PCMTD1: variants seen among roughly 807,000 people sequenced by gnomAD.
PCMTD1 encodes the protein protein-L-isoaspartate (D-aspartate) O-methyltransferase domain containing 1.
A neutral mutation model predicts 37.6 loss-of-function variants in PCMTD1; 12 were observed. The ratio of observed to expected loss-of-function variants is 0.32; its 90% CI spans 0.20 to 0.52. The LOEUF (loss-of-function observed/expected upper bound fraction) is 0.52. Ranked by LOEUF, PCMTD1 falls within the 20% of genes least tolerant of loss-of-function variation. The pLI is 0.97. For synonymous variants in PCMTD1, 117 were observed against 135.8 expected, an observed-to-expected ratio of 0.86 and a Z score of 0.96; for missense variants, 235 against 421.3, an observed-to-expected ratio of 0.56 and a Z score of 3.87.
chr8:51,898,778 C>T (rs1477401221), intron 1 of PCMTD1, among the ~76,000 whole-genome samples, 152 bp downstream of exon 1: 1 of 151,728 alleles, frequency 6.6e-6, no homozygotes, highest in Non-Finnish European at 1.5e-5. Context: ...TGGCCCCCGA[C>T]CTGCCCGCCC....
rs1017552257 is a variant in PCMTD1 at position 51,817,839 on chromosome 8, C to G, written c.*2512G>C. ...TTGCTGATGGATTCTTGGGATTGAT[C>G]TGATGCTAGAAGCTATCTTAGGCCC... On this transcript the variant is annotated 3_prime_UTR_variant, in exon 6 of 6. Coordinates refer to ENST00000522514, the MANE Select transcript of PCMTD1 (RefSeq NM_052937.4). 2 of 456,640 alleles carry G rather than the reference C, an allele frequency of 4.4e-6. No homozygotes were observed. Among genetic ancestry groups the G allele is most frequent in the Non-Finnish European group, 8.8e-6 (2 of 226,984 alleles). 28.3% of individuals were successfully genotyped at this position (456,640 alleles called of 1,614,324 possible). A position where few individuals can be genotyped will look rare whatever the true frequency, so the allele number is the denominator to read the frequency against.
At position 51,856,563 on chromosome 8, in the gene PCMTD1, T is replaced by C. The variant is rs1320971788; in HGVS notation, c.307+4282A>G. On this transcript the variant is annotated intron_variant, in intron 2 of 5. Transcript: ENST00000522514. ...ACAAAGATTTGTACCTAAATGCTCA[T>C]AATGGCATTATGCATTTGGTCAAAA... 3.9e-5 allele frequency among the ~76,000 whole-genome samples: 6 copies of C among 152,342 alleles called. 2 individuals are homozygous for C. The South Asian group carries it at 1.2e-3, about 32-fold the overall frequency.
chr8:51,842,220 G>C (rs2038156725), intron 3 of PCMTD1, among the ~76,000 whole-genome samples: 3 of 152,052 alleles, frequency 2.0e-5, no homozygotes, highest in South Asian at 2.1e-4. Flanking sequence ...TATTTCATTT[G>C]ATGATATAAG....
At chr8:51,842,187 C>G (rs958258070) in intron 3 of PCMTD1, among the ~76,000 whole-genome samples, 1 of 152,152 alleles carries the variant, frequency 6.6e-6, no homozygotes, top group Non-Finnish European at 1.5e-5. Context: ...TACAGTAAAT[C>G]TAGTGCTATG....
Position 51,818,057 on chromosome 8 carries a change from G to T in PCMTD1, c.*2294C>A, listed in dbSNP as rs1023189061. 2.5e-6 allele frequency: 1 copy of T among 400,220 alleles called. No homozygotes were observed. Among genetic ancestry groups the T allele is most frequent in the African/African-American group, 2.1e-5 (1 of 47,706 alleles). 24.8% of individuals were successfully genotyped at this position (400,220 alleles called of 1,614,324 possible). A position where few individuals can be genotyped will look rare whatever the true frequency, so the allele number is the denominator to read the frequency against. Reference sequence around the variant, plus strand: ...TTTGCTACTTTTCCACCTATAAAGCGTAATTTTCCATATCAAGTAAACATA... The same window carrying T: ...TTTGCTACTTTTCCACCTATAAAGCTTAATTTTCCATATCAAGTAAACATA... On this transcript the variant is annotated 3_prime_UTR_variant, in exon 6 of 6. Transcript: ENST00000522514.
At chr8:51,895,408 GA>G (rs2038985854) in intron 1 of PCMTD1, among the ~76,000 whole-genome samples, 1 of 152,184 alleles carries the variant, frequency 6.6e-6, no homozygotes, top group Non-Finnish European at 1.5e-5. Flanking sequence ...GTGCTCAGTA[GA>G]AAACACAGAA....
At chr8:51,873,163 C>T (rs1217658430) in intron 1 of PCMTD1, among the ~76,000 whole-genome samples, 2 of 152,116 alleles carry the variant, frequency 1.3e-5, no homozygotes, top group Non-Finnish European at 2.9e-5. Flanking sequence ...TCATTTCATA[C>T]AATTTCTTAA....
At chr8:51,839,319 A>G (rs985390110) in intron 3 of PCMTD1, 7 of 313,670 alleles carry the variant, frequency 2.2e-5, no homozygotes, top group Non-Finnish European at 2.3e-5. Context: ...GATAAGGAAA[A>G]GTAATTGACA....
intron 1 of PCMTD1, among the ~76,000 whole-genome samples, chr8:51,887,062 G>A (rs905586785): frequency 6.6e-5 from 10 of 151,112 alleles, no homozygotes; most frequent in East Asian, 5.8e-4. Context: ...TGGTTCTCTC[G>A]CTCTGCCTCC....
At chr8:51,838,702 C>T (rs999138296) in intron 3 of PCMTD1, among the ~76,000 whole-genome samples, 8 of 152,012 alleles carry the variant, frequency 5.3e-5, no homozygotes, top group African/African-American at 1.9e-4. Context: ...CTGTATGTTA[C>T]CTAAGTTTCC....
At chr8:51,828,786 T>G (rs1025135450) in intron 5 of PCMTD1, among the ~76,000 whole-genome samples, 5 of 152,200 alleles carry the variant, frequency 3.3e-5, no homozygotes, top group African/African-American at 1.2e-4. Context: ...CAAGTGATAA[T>G]CACTGATTCT....
intron 2 of PCMTD1, among the ~76,000 whole-genome samples, chr8:51,858,156 A>AT (rs1356002810): frequency 1.3e-5 from 2 of 151,996 alleles, no homozygotes; most frequent in South Asian, 2.1e-4. Context: ...CTCTCACTGA[A>AT]TTTGTTTCTG....
intron 1 of PCMTD1, among the ~76,000 whole-genome samples, chr8:51,876,790 C>T (rs2038719014): frequency 1.3e-5 from 2 of 152,240 alleles, no homozygotes; most frequent in South Asian, 4.1e-4. Flanking sequence ...GAGTCCATAC[C>T]TAAATGATGA....
intron 3 of PCMTD1, chr8:51,839,475 T>C: frequency 1.0e-6 from 1 of 985,442 alleles, no homozygotes; most frequent in Non-Finnish European, 1.2e-6. Flanking sequence ...TATAGGTGCA[T>C]GTTGGAATAT....
chr8:51,892,804 T>C (rs1204823865), intron 1 of PCMTD1, among the ~76,000 whole-genome samples: 3 of 152,182 alleles, frequency 2.0e-5, no homozygotes, highest in African/African-American at 4.8e-5. Flanking sequence ...CTCATCTTTA[T>C]GTAAGTGGAA....
rs1484176398 is a variant in PCMTD1 at position 51,819,790 on chromosome 8, G to A, written c.*561C>T. The A allele has an allele frequency of 6.6e-6, 1 of 152,588 alleles. No homozygotes were observed. The highest frequency in any genetic ancestry group is 1.9e-4 in the East Asian group (1 of 5,196). The allele number at this position is 152,588 out of a possible 1,614,324, so 9.5% of individuals were successfully genotyped here. On this transcript the variant is annotated 3_prime_UTR_variant, in exon 6 of 6. Transcript: ENST00000522514. Reference sequence around the variant, plus strand: ...AGGGCTGTAAAATTTCATAAAATTTGTGGGATTTTTTAAAGCTAAATTATT... The same window carrying A: ...AGGGCTGTAAAATTTCATAAAATTTATGGGATTTTTTAAAGCTAAATTATT...
intron 2 of PCMTD1, among the ~76,000 whole-genome samples, chr8:51,860,075 T>C (rs1055874236): frequency 3.9e-5 from 6 of 152,252 alleles, no homozygotes; most frequent in African/African-American, 1.4e-4. Context: ...CCCATGTGTC[T>C]TCCACCTATA....
chr8:51,856,366 T>C (rs2038389696), intron 2 of PCMTD1, among the ~76,000 whole-genome samples: 1 of 152,206 alleles, frequency 6.6e-6, no homozygotes, highest in South Asian at 2.1e-4. Flanking sequence ...GTAACAAGTA[T>C]TAGTGAGGAT....
intron 3 of PCMTD1, among the ~76,000 whole-genome samples, chr8:51,836,405 AAAT>A (rs2129277355): frequency 6.6e-6 from 1 of 152,340 alleles, no homozygotes; most frequent in African/African-American, 2.4e-5. Context: ...TGAAAATACT[AAAT>A]AACTATCCTT....
Sources: gnomAD v4.1 joint callset for allele counts (sites outside exome capture counted in the v4.1 genomes callset) on GRCh38, gnomAD v4.1.1 for gene constraint, MANE v1.5 for transcripts, NCBI Gene and HGNC (gene_info 2026-07-23, HGNC 2026-07-21) for gene names.